Variants in DPYD observed in about 807,000 individuals in gnomAD.
DPYD encodes the protein dihydropyrimidine dehydrogenase [NADP(+)].
Under a neutral mutation model 116.2 loss-of-function variants are expected in DPYD, and 109 were observed. That is an observed-to-expected ratio of 0.94 (90% CI 0.80 to 1.10). The LOEUF is 1.10. Among genes scored for constraint, DPYD ranks in the 50% least tolerant of loss-of-function variants. The pLI, the probability that DPYD is intolerant of heterozygous loss-of-function variation, is 0.00. For synonymous variants in DPYD, 440 were observed against 432.0 expected (o/e 1.02, Z -0.23); for missense variants, 1,302 against 1,254.5 (o/e 1.04, Z -0.57).
chr1:97,421,087 A>T (rs1247694718), intron 14 of DPYD, among the ~76,000 whole-genome samples: 1 of 152,108 alleles, frequency 6.6e-6, no homozygotes, highest in Non-Finnish European at 1.5e-5. Flanking sequence ...ATATTATCTT[A>T]GTATCTTCAC....
chr1:97,824,996 C>T (rs1193691374), intron 3 of DPYD, among the ~76,000 whole-genome samples: 1 of 152,192 alleles, frequency 6.6e-6, no homozygotes, highest in Admixed American at 6.5e-5. Flanking sequence ...GAGTTAACCT[C>T]AGCTATCTCA....
At chr1:97,195,844 T>TC (rs1472185429) in intron 19 of DPYD, among the ~76,000 whole-genome samples, 1 of 150,480 alleles carries the variant, frequency 6.6e-6, no homozygotes, top group African/African-American at 2.4e-5. Flanking sequence ...GAGAGTTAAG[T>TC]CAGGCGCTGC....
chr1:97,472,747 T>C (rs981729785), intron 13 of DPYD, among the ~76,000 whole-genome samples: 2 of 152,184 alleles, frequency 1.3e-5, no homozygotes, highest in Non-Finnish European at 2.9e-5. Context: ...TCAAATTATA[T>C]TAACCTAAAT....
chr1:97,449,320 A>T (rs535934313), intron 14 of DPYD, among the ~76,000 whole-genome samples: 1 of 152,246 alleles, frequency 6.6e-6, no homozygotes, highest in East Asian at 1.9e-4. Flanking sequence ...AAGAAAGAGA[A>T]ATAAGTTGTG....
intron 16 of DPYD, among the ~76,000 whole-genome samples, chr1:97,363,796 C>G (rs1011279014): frequency 6.6e-6 from 1 of 152,058 alleles, no homozygotes; most frequent in East Asian, 1.9e-4. Context: ...ACCCCAGGGC[C>G]TGTCATGGGG....
At chr1:97,894,251 A>G (rs1672937217) in intron 1 of DPYD, among the ~76,000 whole-genome samples, 1 of 151,820 alleles carries the variant, frequency 6.6e-6, no homozygotes, top group African/African-American at 2.4e-5. Flanking sequence ...TTTTCTTATA[A>G]GAAGCACTAA....
At chr1:97,427,825 G>A (rs1674958229) in intron 14 of DPYD, among the ~76,000 whole-genome samples, 1 of 151,978 alleles carries the variant, frequency 6.6e-6, no homozygotes, top group African/African-American at 2.4e-5. Context: ...AAAATTCTCA[G>A]TAATTTTCTA....
intron 8 of DPYD, among the ~76,000 whole-genome samples, chr1:97,618,442 C>A (rs1022621730): frequency 6.8e-6 from 1 of 147,640 alleles, no homozygotes; most frequent in Admixed American, 6.9e-5. Context: ...GTGGCATGAT[C>A]TCGGTTCACT....
At chr1:97,360,814 G>C (rs1262916044) in intron 16 of DPYD, among the ~76,000 whole-genome samples, 6 of 152,166 alleles carry the variant, frequency 3.9e-5, no homozygotes, top group Non-Finnish European at 8.8e-5. Context: ...AGTGTGTAGA[G>C]AGAAATTTAT....
intron 20 of DPYD, among the ~76,000 whole-genome samples, chr1:97,159,592 C>G (rs1655736114): frequency 6.6e-6 from 1 of 151,724 alleles, no homozygotes; most frequent in South Asian, 2.1e-4. Flanking sequence ...TTTAAGAAAC[C>G]CACAGAAGCT....
intron 16 of DPYD, among the ~76,000 whole-genome samples, chr1:97,359,669 A>G (rs1266544354): frequency 6.6e-6 from 1 of 152,234 alleles, no homozygotes; most frequent in South Asian, 2.1e-4. Flanking sequence ...ATTCTTAAAG[A>G]AAAGAATTTT....
chr1:97,225,455 G>C (rs933925820), intron 19 of DPYD, among the ~76,000 whole-genome samples: 1 of 151,278 alleles, frequency 6.6e-6, no homozygotes, highest in Non-Finnish European at 1.5e-5. Context: ...TTTATTCAAA[G>C]AATATTAACG....
intron 14 of DPYD, among the ~76,000 whole-genome samples, chr1:97,392,312 G>T (rs1176771596): frequency 6.6e-6 from 1 of 151,782 alleles, no homozygotes; most frequent in East Asian, 1.9e-4. Flanking sequence ...GATCAGGCTG[G>T]TTATTACTGA....
chr1:97,453,045 T>C (rs1676503685), intron 13 of DPYD, among the ~76,000 whole-genome samples: 1 of 152,060 alleles, frequency 6.6e-6, no homozygotes, highest in Non-Finnish European at 1.5e-5. Flanking sequence ...GACCCCTTTT[T>C]CTAGAACTCA....
chr1:97,307,527 T>C (rs1358210356), intron 16 of DPYD, among the ~76,000 whole-genome samples: 1 of 151,902 alleles, frequency 6.6e-6, no homozygotes, highest in African/African-American at 2.4e-5. Context: ...ATTTTTGTGC[T>C]AAGATACTGC....
intron 20 of DPYD, among the ~76,000 whole-genome samples, chr1:97,176,199 G>C (rs1657243218): frequency 6.6e-6 from 1 of 152,222 alleles, no homozygotes; most frequent in Non-Finnish European, 1.5e-5. Context: ...TGAGAAATCA[G>C]AAAAGTGGGG....
intron 19 of DPYD, among the ~76,000 whole-genome samples, chr1:97,227,488 C>A (rs1661268842): frequency 6.6e-6 from 1 of 151,768 alleles, no homozygotes; most frequent in South Asian, 2.1e-4. Flanking sequence ...CTATGCATTG[C>A]ATGCTTATAT....
chr1:97,091,608 G>A (rs771552702), intron 21 of DPYD, among the ~76,000 whole-genome samples: 12 of 152,142 alleles, frequency 7.9e-5, no homozygotes, highest in African/African-American at 1.2e-4. Flanking sequence ...TCTAGATGTG[G>A]TCTGAAATAA....
chr1:97,140,295 T>G (rs1760216), intron 20 of DPYD, among the ~76,000 whole-genome samples: 125,152 of 151,930 alleles, frequency 0.82, 51,766 homozygotes, highest in East Asian at 0.94. Flanking sequence ...ACAGGAGTTT[T>G]TTTTGGGGAC....
Sources: allele counts gnomAD v4.1 joint callset (sites outside exome capture counted in the v4.1 genomes callset), GRCh38; gene constraint gnomAD v4.1.1; transcripts MANE v1.5; gene names NCBI Gene and HGNC (gene_info 2026-07-23, HGNC 2026-07-21).